PAFAH1B1: variants seen among roughly 807,000 people sequenced by gnomAD.
The protein encoded by PAFAH1B1 is platelet-activating factor acetylhydrolase IB subunit beta.
In PAFAH1B1, 2 loss-of-function variants were observed where a neutral mutation model predicts 57.5. The observed-to-expected ratio is 0.03, with a 90% CI of 0.01 to 0.11. The LOEUF is 0.11. Ranked by LOEUF, PAFAH1B1 falls within the 10% of genes least tolerant of loss-of-function variation. The pLI, the probability that PAFAH1B1 is intolerant of heterozygous loss-of-function variation, is 1.00. For synonymous variants in PAFAH1B1, 152 were observed against 169.6 expected (o/e 0.90, Z 0.81); for missense variants, 257 against 512.0 (o/e 0.50, Z 4.81).
chr17:2,672,972 A>C (rs2069203975), intron 7 of PAFAH1B1, among the ~76,000 whole-genome samples: 1 of 151,746 alleles, frequency 6.6e-6, no homozygotes, highest in African/African-American at 2.4e-5. Flanking sequence ...GGAGGCTGAG[A>C]CAGGAGAATC....
intron 1 of PAFAH1B1, among the ~76,000 whole-genome samples, chr17:2,620,837 G>T (rs550704550): frequency 6.6e-6 from 1 of 152,114 alleles, no homozygotes; most frequent in African/African-American, 2.4e-5. Flanking sequence ...ACTCCAGCCT[G>T]GGTGACAAGA....
Position 2,683,162 on chromosome 17 carries a change from C to T in PAFAH1B1, c.*1360C>T, listed in dbSNP as rs899084782. The T allele has an allele frequency of 9.2e-5, 14 of 152,070 alleles. No homozygotes were observed. Among genetic ancestry groups the T allele is most frequent in the Admixed American group, 4.6e-4 (7 of 15,264 alleles). The allele number at this position is 152,070 out of a possible 1,614,324, so 9.4% of individuals were successfully genotyped here. A position where few individuals can be genotyped will look rare whatever the true frequency, so the allele number is the denominator to read the frequency against. On this transcript the variant is annotated 3_prime_UTR_variant, in exon 11 of 11. Transcript: ENST00000397195. The stretch of plus-strand genomic sequence containing the variant: ...TATGTCCCCCTCTAATTTAGCCGCT[C>T]GACATTTTACACAACCCGGATATGT...
intron 5 of PAFAH1B1, among the ~76,000 whole-genome samples, chr17:2,668,412 T>G (rs981212645): frequency 6.6e-6 from 1 of 151,794 alleles, no homozygotes; most frequent in East Asian, 1.9e-4. Context: ...ATGGGCCGGG[T>G]GTGGTAGCTC....
intron 1 of PAFAH1B1, among the ~76,000 whole-genome samples, chr17:2,626,690 G>A (rs1597531544): frequency 6.6e-6 from 1 of 151,432 alleles, no homozygotes; most frequent in South Asian, 2.1e-4. Flanking sequence ...AAGTAGCTGG[G>A]ATTACATGCG....
Position 2,654,270 on chromosome 17 carries a change from A to G in PAFAH1B1, c.33-11102A>G, listed in dbSNP as rs549607448. On this transcript the variant is annotated intron_variant, in intron 2 of 10. Coordinates refer to ENST00000397195, the MANE Select transcript of PAFAH1B1 (RefSeq NM_000430.4). ...AATGGTGCTGTCTTGGCTCACTGCA[A>G]CCCCTGTCTCCCAGGTTCAATCAAT... 4.7e-5 allele frequency among the ~76,000 whole-genome samples: 7 copies of G among 149,370 alleles called. No individual in the cohort carries two copies. The South Asian group carries it at 1.5e-3, about 32-fold the overall frequency.
At chr17:2,600,973 C>A (rs1431270380) in intron 1 of PAFAH1B1, among the ~76,000 whole-genome samples, 1 of 151,854 alleles carries the variant, frequency 6.6e-6, no homozygotes, top group Non-Finnish European at 1.5e-5. Context: ...CTCAGGTGAT[C>A]TACCCACTTC....
intron 1 of PAFAH1B1, among the ~76,000 whole-genome samples, chr17:2,618,696 G>A (rs1474426197): frequency 2.0e-5 from 3 of 151,614 alleles, no homozygotes; most frequent in Admixed American, 1.3e-4. Context: ...TGCCCAGGCT[G>A]GAGTGCAGTG....
chr17:2,630,740 C>CT (rs1272490023), intron 1 of PAFAH1B1, among the ~76,000 whole-genome samples: 4 of 152,184 alleles, frequency 2.6e-5, no homozygotes, highest in Non-Finnish European at 5.9e-5. Flanking sequence ...CTCAGGAACA[C>CT]TGATTATTCT....
chr17:2,644,519 G>C (rs867351557), intron 2 of PAFAH1B1, among the ~76,000 whole-genome samples: 1 of 151,722 alleles, frequency 6.6e-6, no homozygotes, highest in Admixed American at 6.6e-5. Context: ...CTTCAGCCTG[G>C]GCAACAAGAG....
chr17:2,613,191 A>T (rs569648968), intron 1 of PAFAH1B1: 82 of 163,742 alleles, frequency 5.0e-4, no homozygotes, highest in African/African-American at 1.8e-3. Context: ...TGAAAGAAAG[A>T]ATGCAAGCTG....
In PAFAH1B1 at chr17:2,666,973, C is replaced by T; in HGVS notation, c.193-19C>T. Reference sequence around the variant, plus strand: ...TTTATTGAAATCTATCTGTACGTAACTACATGTTCTTTTTCAAGGTTATGG... The same window carrying T: ...TTTATTGAAATCTATCTGTACGTAATTACATGTTCTTTTTCAAGGTTATGG... On this transcript the variant is annotated intron_variant, in intron 4 of 10. Transcript: ENST00000397195. 1 of 1,573,124 alleles carries T rather than the reference C, an allele frequency of 6.4e-7. No individual in the cohort carries two copies. The highest frequency in any genetic ancestry group is 2.2e-5 in the East Asian group (1 of 44,660).
At chr17:2,636,506 A>G (rs1485287932) in intron 1 of PAFAH1B1, among the ~76,000 whole-genome samples, 1 of 152,004 alleles carries the variant, frequency 6.6e-6, no homozygotes, top group Admixed American at 6.6e-5. Context: ...AGACTGGAGT[A>G]CAGTAGCATG....
rs146717244 is a variant in PAFAH1B1, at chr17:2,603,335, T to C, written c.-191+9329T>C. Among the ~76,000 whole-genome samples, 33 of 152,098 alleles carry C rather than the reference T, an allele frequency of 2.2e-4. No individual in the cohort carries two copies. The East Asian group carries it at 6.0e-3, about 28-fold the overall frequency. ...TGGGTAATTTTTGTATTTTTCAAAA[T>C]ACAGGCCAGGCGCGGTGGCTCACGC... On this transcript the variant is annotated intron_variant, in intron 1 of 10. Transcript: ENST00000397195.
intron 1 of PAFAH1B1, among the ~76,000 whole-genome samples, chr17:2,602,436 G>A (rs1395861552): frequency 1.3e-5 from 2 of 152,112 alleles, no homozygotes; most frequent in African/African-American, 2.4e-5. Context: ...AATACTTTAC[G>A]TGGGACTCAA....
intron 2 of PAFAH1B1, among the ~76,000 whole-genome samples, chr17:2,658,591 TG>T (rs1347227004): frequency 6.6e-6 from 1 of 152,072 alleles, no homozygotes; most frequent in Non-Finnish European, 1.5e-5. Context: ...TGAAAAGAAA[TG>T]GAATCGAGCA....
At chr17:2,616,148 A>G (rs1597520571) in intron 1 of PAFAH1B1, among the ~76,000 whole-genome samples, 1 of 152,150 alleles carries the variant, frequency 6.6e-6, no homozygotes, top group East Asian at 1.9e-4. Context: ...TAATCCTTGA[A>G]AGCATTAATT....
At chr17:2,598,659 A>G (rs757347697) in intron 1 of PAFAH1B1, among the ~76,000 whole-genome samples, 15 of 151,756 alleles carry the variant, frequency 9.9e-5, no homozygotes, top group Non-Finnish European at 2.1e-4. Context: ...GGTATACAAT[A>G]CGAGTTCTGA....
chr17:2,618,932 G>A (rs1370229969), intron 1 of PAFAH1B1, among the ~76,000 whole-genome samples: 1 of 138,426 alleles, frequency 7.2e-6, no homozygotes, highest in Non-Finnish European at 1.5e-5. Context: ...TCTAGGCTGG[G>A]CAATGGAGTG....
chr17:2,619,264 C>T (rs2068388191), intron 1 of PAFAH1B1, among the ~76,000 whole-genome samples: 2 of 152,126 alleles, frequency 1.3e-5, no homozygotes, highest in African/African-American at 2.4e-5. Flanking sequence ...GTGATCCTCC[C>T]ACTTCAGCCT....
Sources: gnomAD v4.1 joint callset for allele counts (sites outside exome capture counted in the v4.1 genomes callset) on GRCh38, gnomAD v4.1.1 for gene constraint, MANE v1.5 for transcripts, NCBI Gene and HGNC (gene_info 2026-07-23, HGNC 2026-07-21) for gene names.